SLC9A9: variants seen among roughly 807,000 people sequenced by gnomAD.
SLC9A9 encodes sodium/hydrogen exchanger 9.
Under a neutral mutation model 77.8 loss-of-function variants are expected in SLC9A9, and 62 were observed. The ratio of observed to expected loss-of-function variants is 0.80; its 90% confidence interval spans 0.65 to 0.98. The LOEUF (loss-of-function observed/expected upper bound fraction) is 0.98. Among genes scored for constraint, SLC9A9 ranks in the 50% least tolerant of loss-of-function variants. The pLI, the probability that SLC9A9 is intolerant of heterozygous loss-of-function variation, is 0.00. For missense variants in SLC9A9, 775 were observed against 774.9 expected, an observed-to-expected ratio of 1.00 and a Z score of 0.00; for synonymous variants, 320 against 283.5, an observed-to-expected ratio of 1.13 and a Z score of -1.29.
At chr3:143,606,911 T>C (rs991367069) in intron 6 of SLC9A9, among the ~76,000 whole-genome samples, 2 of 152,074 alleles carry the variant, frequency 1.3e-5, no homozygotes, top group African/African-American at 4.8e-5. Flanking sequence ...TTTGTAGAAC[T>C]GAAGAAACAT....
chr3:143,812,227 T>C (rs1011247360), intron 2 of SLC9A9, among the ~76,000 whole-genome samples: 11 of 152,236 alleles, frequency 7.2e-5, no homozygotes, highest in Non-Finnish European at 1.6e-4. Context: ...GTTGATACCA[T>C]TTGATTCAGC....
chr3:143,676,980 C>G (rs1345176076), intron 5 of SLC9A9, among the ~76,000 whole-genome samples: 3 of 152,182 alleles, frequency 2.0e-5, no homozygotes, highest in Non-Finnish European at 4.4e-5. Context: ...GACCATCAGA[C>G]AGCTTAAGAT....
At chr3:143,396,932 T>G (rs1576470303) in intron 12 of SLC9A9, among the ~76,000 whole-genome samples, 1 of 152,070 alleles carries the variant, frequency 6.6e-6, no homozygotes, top group Admixed American at 6.6e-5. Context: ...CATTTTGGAG[T>G]GTATAAGTAT....
intron 14 of SLC9A9, among the ~76,000 whole-genome samples, chr3:143,304,546 C>T (rs188325390): frequency 6.6e-6 from 1 of 152,180 alleles, no homozygotes; most frequent in African/African-American, 2.4e-5. Flanking sequence ...AGCATTCAGG[C>T]CTTGGGTTAA....
intron 14 of SLC9A9, among the ~76,000 whole-genome samples, chr3:143,284,246 G>A (rs368065701): frequency 1.0e-3 from 158 of 152,214 alleles, no homozygotes; most frequent in South Asian, 3.5e-3. Flanking sequence ...GGAGCTGGAA[G>A]TCTATTCATT....
intron 9 of SLC9A9, among the ~76,000 whole-genome samples, chr3:143,507,089 T>C (rs931944660): frequency 6.8e-6 from 1 of 148,100 alleles, no homozygotes; most frequent in Admixed American, 6.8e-5. Flanking sequence ...CTTAAGATTT[T>C]GTTTTTTAGA....
At chr3:143,556,146 A>G (rs929895809) in intron 8 of SLC9A9, among the ~76,000 whole-genome samples, 3 of 152,180 alleles carry the variant, frequency 2.0e-5, no homozygotes, top group Non-Finnish European at 2.9e-5. Context: ...AATTATCACT[A>G]TGTTTTTATA....
intron 8 of SLC9A9, among the ~76,000 whole-genome samples, chr3:143,570,540 A>G (rs958022869): frequency 2.0e-5 from 3 of 152,312 alleles, no homozygotes; most frequent in Non-Finnish European, 4.4e-5. Flanking sequence ...TATACAGATT[A>G]TCATTGCAGT....
intron 8 of SLC9A9, among the ~76,000 whole-genome samples, chr3:143,563,147 T>C (rs2037115237): frequency 6.6e-6 from 1 of 152,136 alleles, no homozygotes; most frequent in South Asian, 2.1e-4. Context: ...CACGGTTAAA[T>C]TCAAGTTAAT....
intron 4 of SLC9A9, among the ~76,000 whole-genome samples, chr3:143,748,899 T>C: frequency 6.6e-6 from 1 of 151,528 alleles, no homozygotes; most frequent in Admixed American, 6.6e-5. Flanking sequence ...GAGACGGGGT[T>C]TCACCTTGTT....
chr3:143,693,068 T>A lies in SLC9A9; in HGVS notation c.649+124A>T, dbSNP rs73868087. 1.2e-4 allele frequency: 86 copies of A among 714,060 alleles called. No homozygotes were observed. In the African/African-American group the frequency reaches 1.4e-3, roughly 12 times the overall value. The allele number at this position is 714,060 out of a possible 1,614,324, so 44.2% of individuals were successfully genotyped here. Reference sequence around the variant, plus strand: ...TCTTTTGTAATTACTAACAGATATGTCAACTGCAGGTGAAGAAAAATAGAA... The same window carrying A: ...TCTTTTGTAATTACTAACAGATATGACAACTGCAGGTGAAGAAAAATAGAA... On this transcript the variant is annotated intron_variant, in intron 5 of 15. Transcript: ENST00000316549.
intron 4 of SLC9A9, among the ~76,000 whole-genome samples, chr3:143,787,767 C>T (rs1419549696): frequency 6.6e-6 from 1 of 151,802 alleles, no homozygotes; most frequent in Non-Finnish European, 1.5e-5. Flanking sequence ...CTCCTTAGTG[C>T]TCATATGTAA....
chr3:143,651,659 AG>A (rs1008716902), intron 6 of SLC9A9, among the ~76,000 whole-genome samples: 4 of 152,228 alleles, frequency 2.6e-5, no homozygotes, highest in Non-Finnish European at 4.4e-5. Flanking sequence ...AAGTGTCTAA[AG>A]GGGAGGTAAG....
intron 6 of SLC9A9, among the ~76,000 whole-genome samples, chr3:143,648,006 A>G (rs750172984): frequency 6.6e-5 from 10 of 152,224 alleles, no homozygotes; most frequent in Non-Finnish European, 1.2e-4. Context: ...TAGTAATTTT[A>G]ATAAAACCAG....
At chr3:143,372,015 G>A in intron 13 of SLC9A9, 1 of 426,684 alleles carries the variant, frequency 2.3e-6, no homozygotes, top group Non-Finnish European at 4.7e-6. Context: ...TAACCAAGGA[G>A]GTGAAAGATC....
chr3:143,305,430 T>G (rs980474151), intron 14 of SLC9A9, among the ~76,000 whole-genome samples: 1 of 152,206 alleles, frequency 6.6e-6, no homozygotes, highest in Non-Finnish European at 1.5e-5. Flanking sequence ...GAGAAGGAAA[T>G]GTCCCAGAGT....
At chr3:143,352,384 G>A (rs984194532) in intron 14 of SLC9A9, among the ~76,000 whole-genome samples, 2 of 152,216 alleles carry the variant, frequency 1.3e-5, no homozygotes, top group Non-Finnish European at 2.9e-5. Flanking sequence ...TTCTGGCCAT[G>A]TTTATAGGCG....
At chr3:143,686,028 G>A (rs1041595578) in intron 5 of SLC9A9, among the ~76,000 whole-genome samples, 1 of 152,196 alleles carries the variant, frequency 6.6e-6, no homozygotes, top group Admixed American at 6.6e-5. Flanking sequence ...TGCTAGAAAT[G>A]CAGCTATGTG....
At chr3:143,469,231 T>C (rs2035336812) in intron 11 of SLC9A9, among the ~76,000 whole-genome samples, 1 of 151,740 alleles carries the variant, frequency 6.6e-6, no homozygotes, top group Non-Finnish European at 1.5e-5. Flanking sequence ...CTAATAAAAA[T>C]AGAAATATAG....
Sources: allele counts gnomAD v4.1 joint callset (sites outside exome capture counted in the v4.1 genomes callset), GRCh38; gene constraint gnomAD v4.1.1; transcripts MANE v1.5; gene names NCBI Gene and HGNC (gene_info 2026-07-23, HGNC 2026-07-21).